NEURL1B: variants seen among roughly 807,000 people sequenced by gnomAD.
NEURL1B encodes E3 ubiquitin-protein ligase NEURL1B.
Under a neutral mutation model 37.4 loss-of-function variants are expected in NEURL1B, and 13 were observed. That is an observed-to-expected ratio of 0.35 (90% CI 0.23 to 0.55). The LOEUF is 0.55. Among genes scored for constraint, NEURL1B ranks in the 20% least tolerant of loss-of-function variants. The pLI, the probability that NEURL1B is intolerant of heterozygous loss-of-function variation, is 0.89. For missense variants in NEURL1B, 790 were observed against 879.2 expected (o/e 0.90, Z 1.28); for synonymous variants, 432 against 426.6 (o/e 1.01, Z -0.16).
At chr5:172,674,947 G>A (rs1179262845) in intron 2 of NEURL1B, among the ~76,000 whole-genome samples, 1 of 152,162 alleles carries the variant, frequency 6.6e-6, no homozygotes, top group Admixed American at 6.5e-5. Context: ...TTGGCTCACT[G>A]CAACCTCTGC....
chr5:172,682,584 A>G (rs531126595), intron 2 of NEURL1B, among the ~76,000 whole-genome samples: 403 of 152,356 alleles, frequency 2.6e-3, no homozygotes, highest in African/African-American at 8.9e-3. Flanking sequence ...CTCAAAAAAA[A>G]AAAATTTCTT....
intron 1 of NEURL1B, among the ~76,000 whole-genome samples, chr5:172,664,575 T>G (rs1581428785): frequency 1.3e-5 from 2 of 152,310 alleles, no homozygotes; most frequent in African/African-American, 4.8e-5. Flanking sequence ...AATGATAAAG[T>G]TCAGGTTTGC....
intron 1 of NEURL1B, among the ~76,000 whole-genome samples, chr5:172,659,119 T>C (rs1402125178): frequency 6.8e-6 from 1 of 146,732 alleles, no homozygotes; most frequent in Admixed American, 7.1e-5. Context: ...AAGCTACTTA[T>C]ACGTAGTCTA....
rs939595606 is a variant in NEURL1B at position 172,686,722 on chromosome 5, G to A, written c.1465G>A (p.Val489Met). ...SSPLSPPVSP[V>M]FSPPEPAGIK... ...CCCGCTGAGCCCCCCGGTGTCCCCC[G>A]TGTTCTCCCCACCGGAGCCGGCAGG... The change falls in exon 5 of 5, where the codon GTG (valine) becomes ATG (methionine). Residue 489 changes from valine (V) to methionine (M), a missense_variant. By Grantham distance (21) the Val-to-Met change is conservative. Around this residue, in one of 3 missense-constraint regions of NEURL1B, gnomAD observed 115 missense variants for 162.6 expected, o/e 0.71. Coordinates refer to ENST00000369800, the MANE Select transcript of NEURL1B (RefSeq NM_001142651.3). The surrounding 1 kb of genome is among the most constrained non-coding windows in gnomAD (Gnocchi z 7.9). 10 of 1,551,110 alleles carry A rather than the reference G, an allele frequency of 6.4e-6. No individual in the cohort carries two copies. In the East Asian group the frequency reaches 1.5e-4, roughly 23 times the overall value.
At chr5:172,681,033 G>A (rs2113326572) in intron 2 of NEURL1B, among the ~76,000 whole-genome samples, 1 of 152,314 alleles carries the variant, frequency 6.6e-6, no homozygotes. Context: ...AGAAGGTGAA[G>A]GGGAAGTAGG....
chr5:172,659,687 C>T (rs1009533087), intron 1 of NEURL1B, among the ~76,000 whole-genome samples: 1 of 152,128 alleles, frequency 6.6e-6, no homozygotes, highest in Non-Finnish European at 1.5e-5. Flanking sequence ...CTTTAACCTC[C>T]CCTGCATGGC....
In NEURL1B at chr5:172,670,154, C is replaced by T. The variant is rs1245336009; in HGVS notation, c.401C>T (p.Pro134Leu). ...TRPGYWAKALPENLALRDTVL... is the reference protein window; with the variant it reads ...TRPGYWAKALLENLALRDTVL... ...CCGGGCTACTGGGCCAAGGCACTGC[C>T]CGAGAACCTGGCGCTGCGCGACACG... Residue 134 changes from proline (P) to leucine (L), a missense_variant, in exon 2 of 5, where the codon CCC becomes CTC. Coordinates refer to ENST00000369800, the MANE Select transcript of NEURL1B (RefSeq NM_001142651.3). 1 of 1,500,786 alleles carries T rather than the reference C, an allele frequency of 6.7e-7. No individual in the cohort carries two copies. The highest frequency in any genetic ancestry group is 2.3e-5 in the Admixed American group (1 of 44,002). The allele number at this position is 1,500,786 out of a possible 1,614,324, so 93.0% of individuals were successfully genotyped here.
At chr5:172,685,859 G>A (rs928349440) in intron 3 of NEURL1B, among the ~76,000 whole-genome samples, 1 of 152,162 alleles carries the variant, frequency 6.6e-6, no homozygotes, top group East Asian at 1.9e-4. Context: ...GCCCTTTCCT[G>A]AACCACCACT....
At chr5:172,666,354 T>G (rs1038734137) in intron 1 of NEURL1B, among the ~76,000 whole-genome samples, 1 of 152,212 alleles carries the variant, frequency 6.6e-6, no homozygotes, top group African/African-American at 2.4e-5. Flanking sequence ...CAGTAGTCCT[T>G]ACCTCACAGA....
chr5:172,643,510 T>C (rs1335159036), intron 1 of NEURL1B, among the ~76,000 whole-genome samples: 1 of 152,228 alleles, frequency 6.6e-6, no homozygotes, highest in East Asian at 1.9e-4. Flanking sequence ...TCTGGATGCC[T>C]GAAGTCCTTT....
rs1179936224 is a variant in NEURL1B at position 172,646,421 on chromosome 5, G to A, written c.31+4984G>A. 3.3e-5 allele frequency among the ~76,000 whole-genome samples: 5 copies of A among 152,222 alleles called. No individual in the cohort carries two copies. The South Asian group carries it at 8.3e-4, about 25-fold the overall frequency. ...CCCGGCACGGGGCTGGCTGACAGGT[G>A]CCCTTCACTCCTTGCCTTGAAAACC... On this transcript the variant is annotated intron_variant, in intron 1 of 4. Transcript: ENST00000369800.
intron 2 of NEURL1B, among the ~76,000 whole-genome samples, chr5:172,682,291 TCGGC>T (rs1217685476): frequency 2.6e-5 from 4 of 152,234 alleles, no homozygotes; most frequent in Non-Finnish European, 4.4e-5. Flanking sequence ...AACTTTCCCT[TCGGC>T]CGGGCGTGCT....
rs2113351315 is a variant in NEURL1B, at chr5:172,690,851, CA to C, written c.*3927del. 3 of 152,404 alleles carry C rather than the reference CA, an allele frequency of 2.0e-5. No individual in the cohort carries two copies. The South Asian group carries it at 6.2e-4, about 32-fold the overall frequency. 9.4% of individuals were successfully genotyped at this position (152,404 alleles called of 1,614,324 possible). A position where few individuals can be genotyped will look rare whatever the true frequency, so the allele number is the denominator to read the frequency against. ...ACCCTCAGGTCCTGCCAGGGAGACA[CA>C]GTGAGGAGGTTGGCTAATTGCTGCT... On this transcript the variant is annotated 3_prime_UTR_variant, in exon 5 of 5. Coordinates refer to ENST00000369800, the MANE Select transcript of NEURL1B (RefSeq NM_001142651.3).
chr5:172,668,909 A>G (rs2113302561), intron 1 of NEURL1B, among the ~76,000 whole-genome samples: 2 of 152,272 alleles, frequency 1.3e-5, no homozygotes, highest in Admixed American at 1.3e-4. Flanking sequence ...GGTCCTTCAG[A>G]GCAGAATGTC....
Position 172,657,793 on chromosome 5 carries a change from G to A in NEURL1B, c.32-11992G>A, listed in dbSNP as rs1561643665. ...TATCCAGGCCTGCCCGCAGTCATCC[G>A]GAGGCCTAAACCCCTCCCTGTGGTG... On this transcript the variant is annotated intron_variant, in intron 1 of 4. Coordinates refer to ENST00000369800, the MANE Select transcript of NEURL1B (RefSeq NM_001142651.3). This position sits in a 1 kb window ranked among gnomAD's most constrained non-coding sequence, Gnocchi z 4.0. 6.6e-6 allele frequency among the ~76,000 whole-genome samples: 1 copy of A among 152,126 alleles called. No individual in the cohort carries two copies. Among genetic ancestry groups the A allele is most frequent in the Non-Finnish European group, 1.5e-5 (1 of 68,024 alleles).
At position 172,687,058 on chromosome 5, in the gene NEURL1B, C is replaced by T. The variant is rs1352003865; in HGVS notation, c.*133C>T. 6.2e-6 allele frequency: 7 copies of T among 1,129,942 alleles called. No homozygotes were observed. In the Admixed American group the frequency reaches 1.7e-4, roughly 27 times the overall value. 70.0% of individuals were successfully genotyped at this position (1,129,942 alleles called of 1,614,324 possible). Reference sequence around the variant, plus strand: ...CCAGTGGTGGGCAAGGTGTGACAGTCGTGGAGCGAGGCCCACAGGGCCTCA... The same window carrying T: ...CCAGTGGTGGGCAAGGTGTGACAGTTGTGGAGCGAGGCCCACAGGGCCTCA... On this transcript the variant is annotated 3_prime_UTR_variant, in exon 5 of 5. Coordinates refer to ENST00000369800, the MANE Select transcript of NEURL1B (RefSeq NM_001142651.3).
At chr5:172,658,342 C>G (rs897030094) in intron 1 of NEURL1B, among the ~76,000 whole-genome samples, 3 of 152,190 alleles carry the variant, frequency 2.0e-5, no homozygotes, top group Non-Finnish European at 2.9e-5. Flanking sequence ...GGGAAGGGAG[C>G]AGAAGTCCAT....
intron 1 of NEURL1B, among the ~76,000 whole-genome samples, chr5:172,663,829 T>TTTATTATTATTATTA (rs60738970): frequency 2.6e-4 from 36 of 140,844 alleles, no homozygotes; most frequent in African/African-American, 7.8e-4. Flanking sequence ...GTTTTATTTG[T>TTTATTATTATTATTA]TTATTATTAT....
chr5:172,667,020 G>A (rs1258030954), intron 1 of NEURL1B, among the ~76,000 whole-genome samples: 2 of 152,196 alleles, frequency 1.3e-5, no homozygotes, highest in South Asian at 4.2e-4. Context: ...CAAGCCTGGT[G>A]TGTGCTGAGC....
Sources: gnomAD v4.1 joint callset for allele counts (sites outside exome capture counted in the v4.1 genomes callset) on GRCh38, gnomAD v4.1.1 for gene constraint, gnomAD v4.1.1 regional missense constraint, Gnocchi (gnomAD v3.1) non-coding constraint, MANE v1.5 for transcripts, NCBI Gene and HGNC (gene_info 2026-07-23, HGNC 2026-07-21) for gene names.